The following NEO1 variants were observed in gnomAD, a reference collection of about 807,000 sequenced individuals.
NEO1 encodes the protein neogenin.
In NEO1, 63 loss-of-function variants were observed where a neutral mutation model predicts 159.7. That is an observed-to-expected ratio of 0.39 (90% confidence interval 0.32 to 0.49). The LOEUF (loss-of-function observed/expected upper bound fraction) is 0.49, where lower values mean the gene tolerates loss of function less well. Among genes scored for constraint, NEO1 ranks in the 20% least tolerant of loss-of-function variants. NEO1 has a pLI of 0.85. For missense variants in NEO1, 1,615 were observed against 1,831.0 expected (o/e 0.88, Z 2.15); for synonymous variants, 633 against 662.0 (o/e 0.96, Z 0.67).
chr15:73,069,125 A>ATTTTTT (rs962027800), intron 1 of NEO1, among the ~76,000 whole-genome samples: 9 of 105,428 alleles, frequency 8.5e-5, no homozygotes, highest in East Asian at 7.5e-4. Context: ...TAATTTTTGT[A>ATTTTTT]TTTTTTTTTT....
chr15:73,300,559 G>A (rs571576806), intron 27 of NEO1, among the ~76,000 whole-genome samples: 5 of 152,232 alleles, frequency 3.3e-5, no homozygotes, highest in South Asian at 2.1e-4. Flanking sequence ...GTGAAACCCC[G>A]CCTCTACTAA....
intron 1 of NEO1, among the ~76,000 whole-genome samples, chr15:73,098,644 A>G (rs985342504): frequency 6.6e-6 from 1 of 152,192 alleles, no homozygotes; most frequent in Non-Finnish European, 1.5e-5. Flanking sequence ...TTTATTCAAC[A>G]TGTCTCTTAT....
intron 5 of NEO1, chr15:73,143,411 G>C (rs1206291905): frequency 6.4e-6 from 1 of 156,086 alleles, no homozygotes; most frequent in East Asian, 1.9e-4. Context: ...CACACTTAAA[G>C]GGCTCATTTC....
rs570442280 is a variant in NEO1, at chr15:73,096,344, A to G, written c.131-20196A>G. On this transcript the variant is annotated intron_variant, in intron 1 of 28. Coordinates refer to ENST00000261908, the MANE Select transcript of NEO1 (RefSeq NM_002499.4). ...AAGCAGAACTTTGCATGGAAATTTT[A>G]GACAAGTGGGCTCAAGATCCTGAAG... Among the ~76,000 whole-genome samples the G allele has an allele frequency of 4.4e-4, 67 of 152,340 alleles. 1 individual carries two copies. In the South Asian group the frequency reaches 0.013, roughly 31 times the overall value.
At chr15:73,274,750 TCTTTC>T (rs774904794) in intron 21 of NEO1, 26 bp downstream of exon 21, 4 of 1,603,160 alleles carry the variant, frequency 2.5e-6, no homozygotes, top group African/African-American at 2.7e-5. Flanking sequence ...GCCTCTCTTT[TCTTTC>T]CTTTCTTTTG....
intron 7 of NEO1, among the ~76,000 whole-genome samples, chr15:73,215,352 G>A: frequency 6.6e-6 from 1 of 152,102 alleles, no homozygotes; most frequent in Non-Finnish European, 1.5e-5. Context: ...TTCTTGTCGT[G>A]TTCCTATTTT....
intron 1 of NEO1, among the ~76,000 whole-genome samples, chr15:73,114,356 C>T (rs1258939922): frequency 1.3e-5 from 2 of 152,244 alleles, no homozygotes; most frequent in East Asian, 3.9e-4. Flanking sequence ...TAAAAGGCAA[C>T]GGCAAGCCTT....
rs575405095 is a variant in NEO1 at position 73,135,205 on chromosome 15, T to G, written c.879-686T>G. On this transcript the variant is annotated intron_variant, in intron 4 of 28. Coordinates refer to ENST00000261908, the MANE Select transcript of NEO1 (RefSeq NM_002499.4). Reference sequence around the variant, plus strand: ...TTGATTGTTCTTCAATGTTATAGGATTATTTTCTTTTCTCTTTAAATCGGC... The same window carrying G: ...TTGATTGTTCTTCAATGTTATAGGAGTATTTTCTTTTCTCTTTAAATCGGC... Among the ~76,000 whole-genome samples the G allele has an allele frequency of 1.5e-3, 228 of 152,314 alleles. 2 individuals are homozygous for G. Among genetic ancestry groups the G allele is most frequent in the African/African-American group, 5.3e-3 (222 of 41,564 alleles).
chr15:73,285,913 C>A (rs1386410288), intron 23 of NEO1, among the ~76,000 whole-genome samples: 1 of 152,212 alleles, frequency 6.6e-6, no homozygotes, highest in Non-Finnish European at 1.5e-5. Flanking sequence ...CCTTTACCCC[C>A]TGAATCTCAT....
At chr15:73,228,461 AT>A (rs2038718629) in intron 7 of NEO1, among the ~76,000 whole-genome samples, 1 of 145,284 alleles carries the variant, frequency 6.9e-6, no homozygotes, top group South Asian at 2.1e-4. Flanking sequence ...TATTTTGGGT[AT>A]AAGTTTTTTT....
At chr15:73,287,413 C>CA (rs961732393) in intron 23 of NEO1, among the ~76,000 whole-genome samples, 1 of 152,194 alleles carries the variant, frequency 6.6e-6, no homozygotes, top group African/African-American at 2.4e-5. Context: ...CTCACTTTAT[C>CA]AAAAATTCTG....
chr15:73,298,480 G>A lies in NEO1; in HGVS notation c.4034G>A (p.Gly1345Asp), dbSNP rs777996982. The change falls in exon 27 of 29, where the codon GGC becomes GAC. Residue 1345 changes from glycine to aspartate, a missense_variant. By Grantham distance (94) the Gly-to-Asp change is moderately conservative. Transcript: ENST00000261908. ...GCCAGCTCCCAAGAGGAAGATTCAG[G>A]CCAGAGTCTTCCCACTGCCCATGTT... ...YLASSQEEDSGQSLPTAHVRP... is the reference protein window; with the variant it reads ...YLASSQEEDSDQSLPTAHVRP... The A allele has an allele frequency of 1.9e-6, 3 of 1,614,186 alleles. No homozygotes were observed. Among genetic ancestry groups the A allele is most frequent in the South Asian group, 2.2e-5 (2 of 91,088 alleles).
At chr15:73,101,725 A>G (rs556340436) in intron 1 of NEO1, among the ~76,000 whole-genome samples, 1 of 152,228 alleles carries the variant, frequency 6.6e-6, no homozygotes, top group East Asian at 1.9e-4. Context: ...TAGTTGTCCA[A>G]GGCAAGGAGG....
At chr15:73,186,408 C>T (rs1434389316) in intron 7 of NEO1, among the ~76,000 whole-genome samples, 1 of 151,742 alleles carries the variant, frequency 6.6e-6, no homozygotes. Context: ...GAAATAAAGA[C>T]CTTTTCAGAA....
At chr15:73,158,137 C>T (rs1419864972) in intron 5 of NEO1, among the ~76,000 whole-genome samples, 2 of 149,636 alleles carry the variant, frequency 1.3e-5, no homozygotes, top group African/African-American at 2.4e-5. Flanking sequence ...ATTGCTTGAA[C>T]TCGGGAGGCA....
chr15:73,104,954 A>G lies in NEO1; in HGVS notation c.131-11586A>G, dbSNP rs150220421. On this transcript the variant is annotated intron_variant, in intron 1 of 28. Transcript: ENST00000261908. ...CCTGCCACCAGGCCTCACCTCCAAC[A>G]CTGGAGATTATAATTCAACATGAGA... Among the ~76,000 whole-genome samples the G allele has an allele frequency of 1.9e-4, 29 of 152,308 alleles. 2 individuals carry two copies. The East Asian group carries it at 4.6e-3, about 24-fold the overall frequency.
chr15:73,272,676 T>C (rs939388102), intron 19 of NEO1, 114 bp downstream of exon 19: 2 of 752,052 alleles, frequency 2.7e-6, no homozygotes, highest in East Asian at 2.7e-5. Context: ...GGCTTGGTCA[T>C]TTTATGGTAA....
At chr15:73,068,326 A>T (rs568072203) in intron 1 of NEO1, among the ~76,000 whole-genome samples, 1 of 71,474 alleles carries the variant, frequency 1.4e-5, no homozygotes, top group Non-Finnish European at 3.1e-5. Flanking sequence ...GGTTCAAGTG[A>T]TTCTAGTGCC....
At chr15:73,300,846 T>C (rs1282440204) in intron 27 of NEO1, among the ~76,000 whole-genome samples, 2 of 152,246 alleles carry the variant, frequency 1.3e-5, no homozygotes, top group Non-Finnish European at 2.9e-5. Context: ...TGTATTCCTT[T>C]ATTAAGGATG....
Sources: allele counts gnomAD v4.1 joint callset (sites outside exome capture counted in the v4.1 genomes callset), GRCh38; gene constraint gnomAD v4.1.1; transcripts MANE v1.5; gene names NCBI Gene and HGNC (gene_info 2026-07-23, HGNC 2026-07-21).